LRP1B: variants seen among roughly 807,000 people sequenced by gnomAD.
LRP1B encodes low-density lipoprotein receptor-related protein 1B.
In LRP1B, 217 loss-of-function variants were observed where a neutral mutation model predicts 556.6. The observed-to-expected ratio is 0.39, with a 90% CI of 0.35 to 0.44. The LOEUF (loss-of-function observed/expected upper bound fraction) is 0.44, where lower values mean the gene tolerates loss of function less well. Ranked by LOEUF, LRP1B falls within the 20% of genes least tolerant of loss-of-function variation. The pLI, the probability that LRP1B is intolerant of heterozygous loss-of-function variation, is 1.00. For synonymous variants in LRP1B, 2,047 were observed against 1,865.8 expected (o/e 1.10, Z -2.50); for missense variants, 5,053 against 5,620.8 (o/e 0.90, Z 3.23).
rs181951665 is a variant in LRP1B at position 141,742,815 on chromosome 2, G to A, written c.205+67464C>T. 6.6e-5 allele frequency among the ~76,000 whole-genome samples: 10 copies of A among 152,142 alleles called. No individual in the cohort carries two copies. In the East Asian group the frequency reaches 1.4e-3, roughly 21 times the overall value. ...AGAATGATATTTGATAGTTTTCATT[G>A]TACAAGCTTTCATTTCTCTGGTTAA... is the stretch of plus-strand genomic sequence containing the variant. On this transcript the variant is annotated intron_variant, in intron 2 of 90. Coordinates refer to ENST00000389484, the MANE Select transcript of LRP1B (RefSeq NM_018557.3).
At chr2:141,353,339 C>A (rs1392723495) in intron 3 of LRP1B, among the ~76,000 whole-genome samples, 1 of 151,872 alleles carries the variant, frequency 6.6e-6, no homozygotes, top group Non-Finnish European at 1.5e-5. Flanking sequence ...TAAGTTAGAA[C>A]CTAGAGGGGA....
chr2:141,830,935 T>G (rs1224469995), intron 1 of LRP1B, among the ~76,000 whole-genome samples: 1 of 151,778 alleles, frequency 6.6e-6, no homozygotes, highest in Non-Finnish European at 1.5e-5. Context: ...ATTCTCCTGG[T>G]GCTCATGTAG....
intron 2 of LRP1B, among the ~76,000 whole-genome samples, chr2:141,576,199 C>G (rs1210266358): frequency 6.6e-6 from 1 of 151,858 alleles, no homozygotes; most frequent in East Asian, 1.9e-4. Flanking sequence ...TAATGATAGA[C>G]TGGATAAATA....
At chr2:140,600,862 A>G (rs1682638201) in intron 42 of LRP1B, among the ~76,000 whole-genome samples, 1 of 132,454 alleles carries the variant, frequency 7.5e-6, no homozygotes, top group Admixed American at 8.6e-5. Context: ...CACTGAGTAT[A>G]TTTTATATCC....
At chr2:140,801,982 A>G (rs1444006573) in intron 32 of LRP1B, among the ~76,000 whole-genome samples, 5 of 152,228 alleles carry the variant, frequency 3.3e-5, no homozygotes, top group Non-Finnish European at 5.9e-5. Context: ...TACAAAAATA[A>G]AGTTAGCCAT....
At chr2:141,058,468 A>G (rs570143814) in intron 9 of LRP1B, among the ~76,000 whole-genome samples, 1 of 152,050 alleles carries the variant, frequency 6.6e-6, no homozygotes, top group South Asian at 2.1e-4. Context: ...GTGTTAAAGA[A>G]CAATTGCAAT....
rs199916279 is a variant in LRP1B, at chr2:140,553,369, A to G, written c.7195-11398T>C. Among the ~76,000 whole-genome samples the G allele has an allele frequency of 3.3e-5, 5 of 152,072 alleles. No individual in the cohort carries two copies. The East Asian group carries it at 9.7e-4, about 29-fold the overall frequency. On this transcript the variant is annotated intron_variant, in intron 43 of 90. Transcript: ENST00000389484. ...GTGTCTACCCAAATTTGTAAAGAAC[A>G]ACATTCAAAGCATTGATCTAAAATA...
chr2:140,255,556 T>A (rs1257743530), intron 86 of LRP1B, among the ~76,000 whole-genome samples: 1 of 152,198 alleles, frequency 6.6e-6, no homozygotes, highest in Admixed American at 6.5e-5. Flanking sequence ...AGGCAGAGAT[T>A]ATTGATTATT....
At chr2:141,408,434 A>G (rs576950217) in intron 3 of LRP1B, among the ~76,000 whole-genome samples, 64 of 152,006 alleles carry the variant, frequency 4.2e-4, no homozygotes, top group Non-Finnish European at 7.4e-4. Flanking sequence ...GTGAGCCACC[A>G]CACCTGGCCA....
At chr2:140,850,073 T>C (rs773513431) in intron 29 of LRP1B, 29 bp downstream of exon 29, 4 of 1,377,420 alleles carry the variant, frequency 2.9e-6, no homozygotes, top group East Asian at 2.3e-5. Context: ...CAAACACTTT[T>C]AAAGTTGTAA....
intron 7 of LRP1B, among the ~76,000 whole-genome samples, chr2:141,124,158 A>G (rs1574098125): frequency 6.6e-6 from 1 of 152,266 alleles, no homozygotes; most frequent in South Asian, 2.1e-4. Flanking sequence ...CAAAAGCATA[A>G]AAGTGGTGGC....
intron 2 of LRP1B, among the ~76,000 whole-genome samples, chr2:141,626,190 G>A (rs1688696211): frequency 2.0e-5 from 3 of 152,066 alleles, no homozygotes. Flanking sequence ...TTTGACAAAG[G>A]AGCAAAGGCA....
At position 140,989,791 on chromosome 2, in the gene LRP1B, C is replaced by T. The variant is rs897299278; in HGVS notation, c.2645-134G>A. On this transcript the variant is annotated intron_variant, in intron 16 of 90. Coordinates refer to ENST00000389484, the MANE Select transcript of LRP1B (RefSeq NM_018557.3). ...ATGTCATAGAGTCTGTCATTCATTG[C>T]CTTATATTTAATAGCAAATACTAAT... 3 of 742,996 alleles carry T rather than the reference C, an allele frequency of 4.0e-6. No homozygotes were observed. The South Asian group carries it at 6.7e-5, about 17-fold the overall frequency. The allele number at this position is 742,996 out of a possible 1,614,324, so 46.0% of individuals were successfully genotyped here.
chr2:140,311,941 A>G (rs1358500664), intron 83 of LRP1B, among the ~76,000 whole-genome samples: 1 of 151,864 alleles, frequency 6.6e-6, no homozygotes, highest in Non-Finnish European at 1.5e-5. Context: ...TAGTTTCATA[A>G]TGTTCTGAAG....
At chr2:141,119,060 G>C (rs1329668479) in intron 7 of LRP1B, among the ~76,000 whole-genome samples, 1 of 151,954 alleles carries the variant, frequency 6.6e-6, no homozygotes, top group Non-Finnish European at 1.5e-5. Flanking sequence ...GACAAGAAGA[G>C]AGAAAATTAC....
In LRP1B at chr2:140,935,521, G is replaced by T. The variant is rs1337286358; in HGVS notation, c.3137-12374C>A. Among the ~76,000 whole-genome samples, 3 of 152,076 alleles carry T rather than the reference G, an allele frequency of 2.0e-5. No homozygotes were observed. In the East Asian group the frequency reaches 5.8e-4, roughly 29 times the overall value. On this transcript the variant is annotated intron_variant, in intron 20 of 90. Transcript: ENST00000389484. ...AGAGGGAAAAAAATCAAAGAAAACT[G>T]AACACAGTATAAGAGACTTGCAGGG... is the stretch of plus-strand genomic sequence containing the variant.
At chr2:141,457,063 A>G (rs1375596235) in intron 3 of LRP1B, among the ~76,000 whole-genome samples, 1 of 152,208 alleles carries the variant, frequency 6.6e-6, no homozygotes, top group Non-Finnish European at 1.5e-5. Context: ...TTGTGTGATT[A>G]TTACCTTACC....
At chr2:140,882,784 C>T (rs946033786) in intron 25 of LRP1B, among the ~76,000 whole-genome samples, 3 of 152,160 alleles carry the variant, frequency 2.0e-5, no homozygotes, top group African/African-American at 7.2e-5. Context: ...CCTGGCTTTT[C>T]TCTCTTATCT....
intron 3 of LRP1B, among the ~76,000 whole-genome samples, chr2:141,265,536 T>A (rs1365706799): frequency 6.6e-6 from 1 of 152,182 alleles, no homozygotes; most frequent in African/African-American, 2.4e-5. Flanking sequence ...CTACTGAACG[T>A]CCTGAACATT....
Sources: gnomAD v4.1 joint callset for allele counts (sites outside exome capture counted in the v4.1 genomes callset) on GRCh38, gnomAD v4.1.1 for gene constraint, MANE v1.5 for transcripts, NCBI Gene and HGNC (gene_info 2026-07-23, HGNC 2026-07-21) for gene names.